Variants in SNX29 observed in about 807,000 individuals in gnomAD.
The protein encoded by SNX29 is sorting nexin 29, also known as sorting nexin-29.
In SNX29, 78 loss-of-function variants were observed where a neutral mutation model predicts 102.1. That is an observed-to-expected ratio of 0.76 (90% CI 0.64 to 0.92). SNX29 has a LOEUF of 0.92. Ranked by LOEUF, SNX29 falls within the 40% of genes least tolerant of loss-of-function variation. SNX29 has a pLI of 0.00. For synonymous variants in SNX29, 580 were observed against 414.5 expected, an observed-to-expected ratio of 1.40 and a Z score of -4.85; for missense variants, 1,280 against 1,061.7, an observed-to-expected ratio of 1.21 and a Z score of -2.86.
At chr16:12,343,919 A>T (rs1484304257) in intron 15 of SNX29, among the ~76,000 whole-genome samples, 2 of 152,204 alleles carry the variant, frequency 1.3e-5, no homozygotes, top group Non-Finnish European at 2.9e-5. Context: ...GTCCCCACCT[A>T]AATCTCATCT....
In SNX29 at chr16:12,403,488, T is replaced by C; in HGVS notation, c.1996T>C (p.Phe666Leu). 3 of 1,608,948 alleles carry C rather than the reference T, an allele frequency of 1.9e-6. No homozygotes were observed. The highest frequency in any genetic ancestry group is 2.5e-6 in the Non-Finnish European group (3 of 1,177,718). The change falls in exon 18 of 21, where the codon TTT (phenylalanine) becomes CTT (leucine). Residue 666 changes from phenylalanine (F) to leucine (L), a missense_variant. Coordinates refer to ENST00000566228, the MANE Select transcript of SNX29 (RefSeq NM_032167.5). ...ALINVWIPSVFLRGKAANAFH... is the reference protein window; with the variant it reads ...ALINVWIPSVLLRGKAANAFH... ...GATCAACGTCTGGATCCCCTCAGTG[T>C]TTCTCCGGGGCAAAGCAGCAAATGC... is the stretch of plus-strand genomic sequence containing the variant.
chr16:12,251,595 CG>C (rs1410048400), intron 14 of SNX29, among the ~76,000 whole-genome samples: 2 of 151,960 alleles, frequency 1.3e-5, no homozygotes, highest in Non-Finnish European at 2.9e-5. Context: ...CCCAGCTACT[CG>C]GGAGGCTGAG....
intron 20 of SNX29, among the ~76,000 whole-genome samples, chr16:12,560,594 CAT>C (rs745977268): frequency 2.0e-4 from 30 of 152,312 alleles, no homozygotes; most frequent in Non-Finnish European, 3.5e-4. Context: ...CTGTACCTCT[CAT>C]AAAGCAGCAA....
chr16:12,344,647 G>C (rs972547503), intron 15 of SNX29, among the ~76,000 whole-genome samples: 3 of 152,238 alleles, frequency 2.0e-5, no homozygotes, highest in African/African-American at 7.2e-5. Flanking sequence ...TGGGGCTTAG[G>C]GTTGGGTCTG....
intron 20 of SNX29, among the ~76,000 whole-genome samples, chr16:12,547,347 C>G (rs984868791): frequency 1.1e-4 from 17 of 152,166 alleles, no homozygotes; most frequent in East Asian, 7.7e-4. Context: ...CAAGGGAACT[C>G]TAGCTGCCAT....
intron 17 of SNX29, among the ~76,000 whole-genome samples, chr16:12,401,359 ATTTTTTT>A (rs35886680): frequency 9.9e-5 from 10 of 101,492 alleles, no homozygotes; most frequent in South Asian, 6.5e-4. Flanking sequence ...ATAGAGTTAA[ATTTTTTT>A]TTTTTTTTTT....
intron 15 of SNX29, among the ~76,000 whole-genome samples, chr16:12,282,717 C>T (rs999037663): frequency 6.6e-6 from 1 of 152,126 alleles, no homozygotes; most frequent in African/African-American, 2.4e-5. Flanking sequence ...GTGCAATTGC[C>T]TGATCTCAGC....
intron 4 of SNX29, among the ~76,000 whole-genome samples, chr16:12,030,233 A>G (rs2057301701): frequency 6.6e-6 from 1 of 151,930 alleles, no homozygotes; most frequent in African/African-American, 2.4e-5. Context: ...TACTGTTTGG[A>G]TTCCTTGGTG....
intron 10 of SNX29, among the ~76,000 whole-genome samples, chr16:12,077,869 C>A (rs970274018): frequency 2.0e-5 from 3 of 152,146 alleles, no homozygotes; most frequent in Non-Finnish European, 2.9e-5. Flanking sequence ...GATCCACCCG[C>A]CTCGGCCTCC....
At chr16:12,089,796 G>A in intron 11 of SNX29, 1 of 355,356 alleles carries the variant, frequency 2.8e-6, no homozygotes, top group Non-Finnish European at 5.4e-6. Context: ...AGGCTCTGAA[G>A]CCTGCTTGCC....
chr16:12,295,029 C>G (rs2079931719), intron 15 of SNX29, among the ~76,000 whole-genome samples: 1 of 152,138 alleles, frequency 6.6e-6, no homozygotes. Flanking sequence ...GGGATTTCTC[C>G]CTATAAAACC....
intron 14 of SNX29, among the ~76,000 whole-genome samples, chr16:12,242,377 T>A (rs1168400898): frequency 2.8e-5 from 4 of 143,834 alleles, no homozygotes; most frequent in South Asian, 2.1e-4. Flanking sequence ...ATTTTTTTTT[T>A]TTTTTTAAGA....
chr16:12,564,503 A>G (rs1475315070), intron 20 of SNX29, among the ~76,000 whole-genome samples: 1 of 152,198 alleles, frequency 6.6e-6, no homozygotes, highest in Non-Finnish European at 1.5e-5. Flanking sequence ...GTCTTAACAG[A>G]AGGAACTCAA....
At chr16:11,986,328 C>A (rs866254894) in intron 1 of SNX29, among the ~76,000 whole-genome samples, 1 of 148,918 alleles carries the variant, frequency 6.7e-6, no homozygotes, top group Non-Finnish European at 1.5e-5. Context: ...CATTTTTCTT[C>A]GCTTGCATCT....
intron 15 of SNX29, among the ~76,000 whole-genome samples, chr16:12,320,908 C>T (rs755361587): frequency 5.3e-5 from 8 of 152,124 alleles, no homozygotes; most frequent in African/African-American, 1.4e-4. Context: ...AAAAGGATGG[C>T]GGCAGTGTTT....
chr16:12,573,805 G>A lies in SNX29; in HGVS notation c.*5176G>A, dbSNP rs956717597. ...TTAATTTCCCGGAGTGAAGGGGATG[G>A]GGGTAGAGCTAATTGGAATTTTTAT... On this transcript the variant is annotated 3_prime_UTR_variant, in exon 21 of 21. Transcript: ENST00000566228. 1.4e-5 allele frequency: 3 copies of A among 220,224 alleles called. No individual in the cohort carries two copies. The highest frequency in any genetic ancestry group is 4.5e-5 in the African/African-American group (2 of 44,534). The allele number at this position is 220,224 out of a possible 1,614,324, so 13.6% of individuals were successfully genotyped here.
chr16:12,018,191 A>G (rs899629365), intron 3 of SNX29, among the ~76,000 whole-genome samples: 2 of 152,210 alleles, frequency 1.3e-5, no homozygotes, highest in African/African-American at 2.4e-5. Flanking sequence ...CCATTCAGGA[A>G]AATGGTGTTT....
chr16:12,258,092 A>C (rs556463907), intron 14 of SNX29, among the ~76,000 whole-genome samples: 1 of 152,114 alleles, frequency 6.6e-6, no homozygotes, highest in Non-Finnish European at 1.5e-5. Context: ...TCTGCTCTTC[A>C]CACAGCAGCC....
intron 13 of SNX29, among the ~76,000 whole-genome samples, chr16:12,169,002 C>T (rs1365526059): frequency 1.3e-5 from 2 of 152,206 alleles, no homozygotes; most frequent in Non-Finnish European, 2.9e-5. Context: ...GGTTTTCCGT[C>T]ACAGCTGAAG....
Sources: allele counts gnomAD v4.1 joint callset (sites outside exome capture counted in the v4.1 genomes callset), GRCh38; gene constraint gnomAD v4.1.1; transcripts MANE v1.5; gene names NCBI Gene and HGNC (gene_info 2026-07-23, HGNC 2026-07-21).